Variants in RAB21 observed in about 807,000 individuals in gnomAD.
The protein encoded by RAB21 is ras-related protein Rab-21.
Under a neutral mutation model 33.1 loss-of-function variants are expected in RAB21, and 13 were observed. The ratio of observed to expected loss-of-function variants is 0.39; its 90% confidence interval spans 0.26 to 0.62. RAB21 has a LOEUF of 0.62. Ranked by LOEUF, RAB21 falls within the 20% of genes least tolerant of loss-of-function variation. The probability of loss-of-function intolerance (pLI) is 0.48; values close to 1 mark genes in which losing one functional copy is unlikely to be tolerated. For missense variants in RAB21, 234 were observed against 279.1 expected (o/e 0.84, Z 1.15); for synonymous variants, 91 against 103.7 (o/e 0.88, Z 0.74).
At position 71,795,986 on chromosome 12, in the gene RAB21, A is replaced by C. The variant is rs1447318456; in HGVS notation, c.*10313A>C. On this transcript the variant is annotated 3_prime_UTR_variant, in exon 7 of 7. Transcript: ENST00000261263. The stretch of plus-strand genomic sequence containing the variant: ...AGATTCAAAGCAAACCATTAAAACT[A>C]CCATATAAACTCAAATGAAATTTTA... The C allele has an allele frequency of 2.9e-5, 4 of 137,732 alleles. No individual in the cohort carries two copies. 8.5% of individuals were successfully genotyped at this position (137,732 alleles called of 1,614,324 possible).
rs1351195309 is a variant in RAB21 at position 71,759,977 on chromosome 12, G to A, written c.159+4689G>A. 2.0e-5 allele frequency among the ~76,000 whole-genome samples: 3 copies of A among 152,326 alleles called. No homozygotes were observed. The East Asian group carries it at 5.8e-4, about 29-fold the overall frequency. On this transcript the variant is annotated intron_variant, in intron 1 of 6. Transcript: ENST00000261263. The stretch of plus-strand genomic sequence containing the variant: ...TACATAGACAGCCGTCATATGTAAA[G>A]CTACTAGCACAGAGCCTGGCACATG...
intron 6 of RAB21, among the ~76,000 whole-genome samples, chr12:71,783,323 T>C (rs1883229595): frequency 6.6e-6 from 1 of 151,792 alleles, no homozygotes; most frequent in Non-Finnish European, 1.5e-5. Context: ...AAAATAAATT[T>C]ATATATATTC....
intron 3 of RAB21, among the ~76,000 whole-genome samples, chr12:71,771,876 T>G (rs565679753): frequency 6.6e-6 from 1 of 151,678 alleles, no homozygotes; most frequent in East Asian, 1.9e-4. Flanking sequence ...CTTGGGAAGC[T>G]GAGGCAGGAG....
chr12:71,759,538 A>G (rs1187128125), intron 1 of RAB21, among the ~76,000 whole-genome samples: 2 of 152,238 alleles, frequency 1.3e-5, no homozygotes, highest in Non-Finnish European at 2.9e-5. Flanking sequence ...CCTTCCCTTG[A>G]GTAAGAAACA....
At chr12:71,769,916 T>C in intron 2 of RAB21, 57 bp downstream of exon 2, 1 of 941,370 alleles carries the variant, frequency 1.1e-6, no homozygotes, top group Non-Finnish European at 1.5e-6. Context: ...TTCTTTTTTT[T>C]TAAAGTTAAT....
intron 1 of RAB21, among the ~76,000 whole-genome samples, chr12:71,767,813 A>G (rs961067899): frequency 6.6e-6 from 1 of 152,196 alleles, no homozygotes; most frequent in African/African-American, 2.4e-5. Context: ...CATGTGTTTG[A>G]AAAAGAGGCA....
At position 71,785,564 on chromosome 12, in the gene RAB21, C is replaced by G. The variant is rs61754229; in HGVS notation, c.569C>G (p.Ala190Gly). The G allele has an allele frequency of 1.9e-6, 3 of 1,614,128 alleles. No individual in the cohort carries two copies. The Admixed American group carries it at 5.0e-5, about 27-fold the overall frequency. The stretch of plus-strand genomic sequence containing the variant: ...GAAACAGCACAAGTGGATGAGAGAG[C>G]AAAAGGCAATGGCTCTAGTCAGCCG... Reference protein sequence around the residue: ...MIETAQVDERAKGNGSSQPGT... With the variant: ...MIETAQVDERGKGNGSSQPGT... The change falls in exon 7 of 7, where the codon GCA (alanine) becomes GGA (glycine). Residue 190 changes from alanine (A) to glycine (G), a missense_variant. Ala to Gly is a moderately conservative substitution (Grantham distance 60). Coordinates refer to ENST00000261263, the MANE Select transcript of RAB21 (RefSeq NM_014999.4).
At position 71,784,630 on chromosome 12, in the gene RAB21, C is replaced by T. The variant is rs558601516; in HGVS notation, c.536-901C>T. On this transcript the variant is annotated intron_variant, in intron 6 of 6. Coordinates refer to ENST00000261263, the MANE Select transcript of RAB21 (RefSeq NM_014999.4). The stretch of plus-strand genomic sequence containing the variant: ...GTCAAAAATCAAGAGACCATATCTA[C>T]GGGGTCTATTTCTGGACTGTGTTTT... Among the ~76,000 whole-genome samples, 64 of 152,064 alleles carry T rather than the reference C, an allele frequency of 4.2e-4. 1 individual carries two copies. Among genetic ancestry groups the T allele is most frequent in the African/African-American group, 1.4e-3 (59 of 41,482 alleles).
Position 71,769,243 on chromosome 12 carries a change from C to T in RAB21, c.160-557C>T, listed in dbSNP as rs562265491. Reference sequence around the variant, plus strand: ...TATTTGGCAAGACCCTCCATTTTAGCAATTATCACATGGAATCGTAATTCT... The same window carrying T: ...TATTTGGCAAGACCCTCCATTTTAGTAATTATCACATGGAATCGTAATTCT... On this transcript the variant is annotated intron_variant, in intron 1 of 6. Transcript: ENST00000261263. 2.0e-5 allele frequency among the ~76,000 whole-genome samples: 3 copies of T among 152,280 alleles called. No homozygotes were observed. In the East Asian group the frequency reaches 5.8e-4, roughly 29 times the overall value.
At position 71,777,474 on chromosome 12, in the gene RAB21, T is replaced by C. The variant is rs1387782564; in HGVS notation, c.391+3452T>C. Among the ~76,000 whole-genome samples the C allele has an allele frequency of 6.6e-5, 10 of 152,228 alleles. 1 individual carries two copies. Among genetic ancestry groups the C allele is most frequent in the Non-Finnish European group, 1.5e-5 (1 of 68,040 alleles). ...ACATTTGCATTGTTTTTCCCACTTC[T>C]TGATTTTTATTCTCTGTTGTAGTAG... On this transcript the variant is annotated intron_variant, in intron 4 of 6. Coordinates refer to ENST00000261263, the MANE Select transcript of RAB21 (RefSeq NM_014999.4).
chr12:71,769,908 C>G, intron 2 of RAB21, 49 bp downstream of exon 2: 1 of 990,946 alleles, frequency 1.0e-6, no homozygotes, highest in Non-Finnish European at 1.4e-6. Context: ...TTCCTTTTTT[C>G]TTTTTTTTTA....
Position 71,754,961 on chromosome 12 carries a change from G to C in RAB21, c.-169G>C, listed in dbSNP as rs1882757535. Reference sequence around the variant, plus strand: ...GGTGGGCTGGGGCCCTTCATTCTCGGACTTTCCCTCAGCCCTTCCAGGCCT... The same window carrying C: ...GGTGGGCTGGGGCCCTTCATTCTCGCACTTTCCCTCAGCCCTTCCAGGCCT... On this transcript the variant is annotated 5_prime_UTR_variant, in exon 1 of 7. Coordinates refer to ENST00000261263, the MANE Select transcript of RAB21 (RefSeq NM_014999.4). 1 of 550,620 alleles carries C rather than the reference G, an allele frequency of 1.8e-6. No individual in the cohort carries two copies. The highest frequency in any genetic ancestry group is 2.3e-6 in the Non-Finnish European group (1 of 429,630). 34.1% of individuals were successfully genotyped at this position (550,620 alleles called of 1,614,324 possible).
rs1051456885 is a variant in RAB21 at position 71,797,364 on chromosome 12, T to C, written c.*11691T>C. 1.3e-5 allele frequency: 2 copies of C among 151,742 alleles called. No homozygotes were observed. Among genetic ancestry groups the C allele is most frequent in the Admixed American group, 6.6e-5 (1 of 15,238 alleles). The allele number at this position is 151,742 out of a possible 1,614,324, so 9.4% of individuals were successfully genotyped here. A position where few individuals can be genotyped will look rare whatever the true frequency, so the allele number is the denominator to read the frequency against. On this transcript the variant is annotated 3_prime_UTR_variant, in exon 7 of 7. Transcript: ENST00000261263. ...AAAAACAACAGCCAGTTAGAAGATATAATAGAAGAAAAGGCCCCATTTAAA... is the reference window on the plus strand; with the variant it reads ...AAAAACAACAGCCAGTTAGAAGATACAATAGAAGAAAAGGCCCCATTTAAA...
At chr12:71,785,040 A>AC (rs1390203567) in intron 6 of RAB21, among the ~76,000 whole-genome samples, 4 of 152,178 alleles carry the variant, frequency 2.6e-5, no homozygotes, top group African/African-American at 7.2e-5. Context: ...TGCAGTGAGT[A>AC]AGTGATGATC....
At chr12:71,763,154 C>T (rs927819424) in intron 1 of RAB21, among the ~76,000 whole-genome samples, 2 of 150,966 alleles carry the variant, frequency 1.3e-5, no homozygotes, top group Non-Finnish European at 2.9e-5. Context: ...CTCATACACT[C>T]CCCAACGGCA....
chr12:71,791,461 C>CT lies in RAB21; in HGVS notation c.*5792dup, dbSNP rs1188521141. 1 of 152,076 alleles carries CT rather than the reference C, an allele frequency of 6.6e-6. No individual in the cohort carries two copies. Among genetic ancestry groups the CT allele is most frequent in the African/African-American group, 2.4e-5 (1 of 41,414 alleles). The allele number at this position is 152,076 out of a possible 1,614,324, so 9.4% of individuals were successfully genotyped here. Reference sequence around the variant, plus strand: ...ATCTAGGAGTTAACTTTAGCAGATTCTTTTATCAGAATACGTTTTTTATTG... The same window carrying CT: ...ATCTAGGAGTTAACTTTAGCAGATTCTTTTTATCAGAATACGTTTTTTATTG... On this transcript the variant is annotated 3_prime_UTR_variant, in exon 7 of 7. Coordinates refer to ENST00000261263, the MANE Select transcript of RAB21 (RefSeq NM_014999.4).
At position 71,782,019 on chromosome 12, in the gene RAB21, T is replaced by C. The variant is rs1377532957; in HGVS notation, c.392-12T>C. On this transcript the variant is annotated splice_polypyrimidine_tract_variant and intron_variant, in intron 4 of 6. Coordinates refer to ENST00000261263, the MANE Select transcript of RAB21 (RefSeq NM_014999.4). ...TCAGTATAAAGATAAATATTTACTT[T>C]TTTCAAAATAGGTAATAAAATAGAC... is the stretch of plus-strand genomic sequence containing the variant. 1.3e-6 allele frequency: 2 copies of C among 1,574,238 alleles called. No individual in the cohort carries two copies. Among genetic ancestry groups the C allele is most frequent in the African/African-American group, 2.7e-5 (2 of 73,898 alleles).
intron 4 of RAB21, among the ~76,000 whole-genome samples, chr12:71,778,072 CAT>C (rs1424004286): frequency 2.0e-5 from 3 of 152,110 alleles, no homozygotes; most frequent in Admixed American, 6.5e-5. Context: ...TTCAGTTTGT[CAT>C]GTTTTTGAAT....
chr12:71,764,601 C>G (rs1882931435), intron 1 of RAB21, among the ~76,000 whole-genome samples: 1 of 152,056 alleles, frequency 6.6e-6, no homozygotes, highest in African/African-American at 2.4e-5. Flanking sequence ...TTATCCCATA[C>G]CCTCCTCCAA....
Sources: allele counts gnomAD v4.1 joint callset (sites outside exome capture counted in the v4.1 genomes callset), GRCh38; gene constraint gnomAD v4.1.1; transcripts MANE v1.5; gene names NCBI Gene and HGNC (gene_info 2026-07-23, HGNC 2026-07-21).